Variants in DCLK3 observed in about 807,000 individuals in gnomAD.
DCLK3 encodes the protein serine/threonine-protein kinase DCLK3.
In DCLK3, 30 loss-of-function variants were observed where a neutral mutation model predicts 46.4. That is an observed-to-expected ratio of 0.65 (90% CI 0.48 to 0.88). The LOEUF is 0.88. Among genes scored for constraint, DCLK3 ranks in the 40% least tolerant of loss-of-function variants. DCLK3 has a pLI of 0.00. For missense variants in DCLK3, 846 were observed against 907.1 expected (o/e 0.93, Z 0.87); for synonymous variants, 401 against 339.2 (o/e 1.18, Z -2.00).
rs1427286159 is a variant in DCLK3, at chr3:36,712,493, G to A, written c.*2835C>T. 1 of 152,066 alleles carries A rather than the reference G, an allele frequency of 6.6e-6. No individual in the cohort carries two copies. The highest frequency in any genetic ancestry group is 1.9e-4 in the East Asian group (1 of 5,192). The allele number at this position is 152,066 out of a possible 1,614,324, so 9.4% of individuals were successfully genotyped here. A position where few individuals can be genotyped will look rare whatever the true frequency, so the allele number is the denominator to read the frequency against. On this transcript the variant is annotated 3_prime_UTR_variant, in exon 5 of 5. Coordinates refer to ENST00000636136, the MANE Select transcript of DCLK3 (RefSeq NM_001394672.2). ...GCACATAACAAAAGTGTACAATTTG[G>A]TAAGTTTTGACATATATACCCCCAT...
intron 1 of DCLK3, among the ~76,000 whole-genome samples, chr3:36,750,866 A>G (rs2362148): frequency 0.81 from 122,596 of 151,854 alleles, 49,763 homozygotes; most frequent in Middle Eastern, 0.88. Flanking sequence ...AAACTCATGG[A>G]GTCATCCAGA....
chr3:36,722,865 G>A (rs1701078923), intron 2 of DCLK3, among the ~76,000 whole-genome samples: 1 of 152,246 alleles, frequency 6.6e-6, no homozygotes, highest in African/African-American at 2.4e-5. Flanking sequence ...GCATGAAAAT[G>A]GACTAATACA....
chr3:36,738,428 T>C lies in DCLK3; in HGVS notation c.739A>G (p.Lys247Glu). 6.8e-7 allele frequency: 1 copy of C among 1,476,532 alleles called. No individual in the cohort carries two copies. Among genetic ancestry groups the C allele is most frequent in the Non-Finnish European group, 9.0e-7 (1 of 1,114,612 alleles). The allele number at this position is 1,476,532 out of a possible 1,614,324, so 91.5% of individuals were successfully genotyped here. ...GCKAAMRHQG[K>E]IPEELSLDDR... ...TCTAGTGAAAGCTCCTCGGGGATCT[T>C]CCCCTGGTGCCTCATGGCTGCCTTG... Residue 247 changes from lysine to glutamate, a missense_variant, in exon 2 of 5, where the codon AAG becomes GAG. This residue lies in a region of DCLK3 where 553 missense variants were observed against 543.0 expected (regional missense o/e 1.02). Coordinates refer to ENST00000636136, the MANE Select transcript of DCLK3 (RefSeq NM_001394672.2).
chr3:36,731,453 A>G (rs1199033935), intron 2 of DCLK3, among the ~76,000 whole-genome samples: 1 of 7,906 alleles, frequency 1.3e-4, no homozygotes. Context: ...TCGTGCGTGC[A>G]CACACACACA....
At position 36,730,228 on chromosome 3, in the gene DCLK3, A is replaced by AC. The variant is rs1214060535; in HGVS notation, c.1959+6979_1959+6980insG. 2.0e-5 allele frequency among the ~76,000 whole-genome samples: 3 copies of AC among 150,388 alleles called. No homozygotes were observed. The East Asian group carries it at 5.8e-4, about 29-fold the overall frequency. On this transcript the variant is annotated intron_variant, in intron 2 of 4. Coordinates refer to ENST00000636136, the MANE Select transcript of DCLK3 (RefSeq NM_001394672.2). ...CACACACACACACACACACACACACAAACACATAAACATACCATAATACAA... is the reference window on the plus strand; with the variant it reads ...CACACACACACACACACACACACACACAACACATAAACATACCATAATACAA...
rs143952704 is a variant in DCLK3, at chr3:36,734,053, C to T, written c.1959+3155G>A. The stretch of plus-strand genomic sequence containing the variant: ...AAACAATTAGTTTGACAATATAAAG[C>T]TTATCACAAGTGTAAAACATTAAAT... On this transcript the variant is annotated intron_variant, in intron 2 of 4. Transcript: ENST00000636136. Among the ~76,000 whole-genome samples, 35 of 152,288 alleles carry T rather than the reference C, an allele frequency of 2.3e-4. No homozygotes were observed. The East Asian group carries it at 6.8e-3, about 29-fold the overall frequency.
intron 3 of DCLK3, 85 bp downstream of exon 3, chr3:36,721,442 C>G (rs1701054915): frequency 6.6e-7 from 1 of 1,520,456 alleles, no homozygotes; most frequent in Non-Finnish European, 9.0e-7. Flanking sequence ...GAGATTTATT[C>G]CATATTGAAA....
intron 2 of DCLK3, among the ~76,000 whole-genome samples, chr3:36,736,145 A>T (rs1455755816): frequency 6.6e-6 from 1 of 152,240 alleles, no homozygotes; most frequent in African/African-American, 2.4e-5. Context: ...TCTGGGAATC[A>T]AAGTAAGAGA....
chr3:36,726,026 A>G (rs1000969845), intron 2 of DCLK3, among the ~76,000 whole-genome samples: 1 of 152,232 alleles, frequency 6.6e-6, no homozygotes, highest in South Asian at 2.1e-4. Flanking sequence ...TTAACCTAAA[A>G]GAAACTAATC....
intron 2 of DCLK3, among the ~76,000 whole-genome samples, chr3:36,727,497 G>C (rs2125525074): frequency 6.6e-6 from 1 of 152,150 alleles, no homozygotes; most frequent in East Asian, 1.9e-4. Flanking sequence ...ACTATCCAGA[G>C]ACTGAAGGAT....
rs1421740510 is a variant in DCLK3, at chr3:36,764,500, C to T, written c.-237G>A. Among the ~76,000 whole-genome samples, 2 of 152,092 alleles carry T rather than the reference C, an allele frequency of 1.3e-5. No homozygotes were observed. The highest frequency in any genetic ancestry group is 2.9e-5 in the Non-Finnish European group (2 of 67,986). On this transcript the variant is annotated 5_prime_UTR_variant, in exon 1 of 5. Transcript: ENST00000636136. The surrounding 1 kb of genome is among the most constrained non-coding windows in gnomAD (Gnocchi z 4.9). ...GGCGCGGGACTTAGCAACCGCGCAC[C>T]AGCTGCAGCCGCCCTCTCTGCGCCG... is the stretch of plus-strand genomic sequence containing the variant.
intron 1 of DCLK3, among the ~76,000 whole-genome samples, chr3:36,756,232 C>T (rs1701483519): frequency 6.6e-6 from 1 of 152,196 alleles, no homozygotes; most frequent in Non-Finnish European, 1.5e-5. Context: ...TAGAACATGC[C>T]TCAGAGTTAT....
At position 36,734,731 on chromosome 3, in the gene DCLK3, C is replaced by G. The variant is rs1010911556; in HGVS notation, c.1959+2477G>C. ...TCTCTTTCTCTCTCTGTCTCTCTCT[C>G]TCTCTCACACACACACAATTCCATT... On this transcript the variant is annotated intron_variant, in intron 2 of 4. Coordinates refer to ENST00000636136, the MANE Select transcript of DCLK3 (RefSeq NM_001394672.2). Among the ~76,000 whole-genome samples, 11 of 152,262 alleles carry G rather than the reference C, an allele frequency of 7.2e-5. No homozygotes were observed. In the East Asian group the frequency reaches 1.5e-3, roughly 21 times the overall value.
intron 1 of DCLK3, among the ~76,000 whole-genome samples, chr3:36,745,352 T>C (rs1042213375): frequency 2.6e-5 from 4 of 152,176 alleles, no homozygotes; most frequent in Non-Finnish European, 5.9e-5. Flanking sequence ...AAAGCTATAA[T>C]AACACAAGAA....
intron 1 of DCLK3, among the ~76,000 whole-genome samples, chr3:36,759,583 C>T (rs1019598881): frequency 3.9e-5 from 6 of 152,232 alleles, no homozygotes; most frequent in Non-Finnish European, 5.9e-5. Flanking sequence ...CTGACTAATA[C>T]ACTTCATGAA....
intron 1 of DCLK3, among the ~76,000 whole-genome samples, chr3:36,746,189 C>T (rs1701392068): frequency 6.6e-6 from 1 of 152,210 alleles, no homozygotes; most frequent in Non-Finnish European, 1.5e-5. Flanking sequence ...TGCTGACTTA[C>T]CCATGACAAT....
At position 36,738,107 on chromosome 3, in the gene DCLK3, TC is replaced by T; in HGVS notation, c.1059del (p.Arg354GlyfsTer30). 6.2e-7 allele frequency: 1 copy of T among 1,613,892 alleles called. No individual in the cohort carries two copies. Among genetic ancestry groups the T allele is most frequent in the East Asian group, 2.2e-5 (1 of 44,882 alleles). Reference sequence around the variant, plus strand: ...CTTGCAGGATTTGCCTCGGGAGACCTCCTGCAGCTTCTGGTCCTCACCAGCT... The same window carrying T: ...CTTGCAGGATTTGCCTCGGGAGACCTCTGCAGCTTCTGGTCCTCACCAGCT... ...VEKLVRTRSCRRSPEANPASG... is the reference protein window; with the variant it reads ...VEKLVRTRSCXRSPEANPASG... On this transcript the variant is annotated frameshift_variant, in exon 2 of 5. Coordinates refer to ENST00000636136, the MANE Select transcript of DCLK3 (RefSeq NM_001394672.2). LOFTEE classifies it high-confidence loss of function.
At chr3:36,751,833 C>T (rs1456456440) in intron 1 of DCLK3, among the ~76,000 whole-genome samples, 5 of 152,160 alleles carry the variant, frequency 3.3e-5, no homozygotes, top group African/African-American at 7.2e-5. Flanking sequence ...AGGTGTTGCA[C>T]GGAAGAACCC....
rs761277661 is a variant in DCLK3, at chr3:36,718,172, C to T, written c.2098G>A (p.Gly700Arg). ...GCAGCCCACATGTCCACCTCCAGTC[C>T]ATAACCTGCGCAGACAGAGGCAGAG... ...APEILSEKGY[G>R]LEVDMWAAGV... The change falls in exon 4 of 5, where the codon GGA becomes AGA. Residue 700 changes from glycine to arginine, a missense_variant. By Grantham distance (125) the Gly-to-Arg change is moderately radical. Around this residue, in one of 3 missense-constraint regions of DCLK3, gnomAD observed 247 missense variants for 322.8 expected, o/e 0.77. Coordinates refer to ENST00000636136, the MANE Select transcript of DCLK3 (RefSeq NM_001394672.2). The T allele has an allele frequency of 6.2e-7, 1 of 1,613,848 alleles. No individual in the cohort carries two copies. Among genetic ancestry groups the T allele is most frequent in the South Asian group, 1.1e-5 (1 of 91,086 alleles).
Sources: allele counts gnomAD v4.1 joint callset (sites outside exome capture counted in the v4.1 genomes callset), GRCh38; gene constraint gnomAD v4.1.1; regional missense constraint gnomAD v4.1.1; non-coding constraint Gnocchi (gnomAD v3.1); transcripts MANE v1.5; gene names NCBI Gene and HGNC (gene_info 2026-07-23, HGNC 2026-07-21).